BBOX1: variants seen among roughly 807,000 people sequenced by gnomAD.
BBOX1 encodes the protein gamma-butyrobetaine hydroxylase 1, also known as gamma-butyrobetaine dioxygenase.
Under a neutral mutation model 41.6 loss-of-function variants are expected in BBOX1, and 35 were observed. The ratio of observed to expected loss-of-function variants is 0.84; its 90% CI spans 0.64 to 1.11. The LOEUF (loss-of-function observed/expected upper bound fraction) is 1.11. Among genes scored for constraint, BBOX1 ranks in the 50% most tolerant of loss-of-function variants. BBOX1 has a pLI of 0.00. For synonymous variants in BBOX1, 163 were observed against 154.7 expected (o/e 1.05, Z -0.40); for missense variants, 458 against 460.6 (o/e 0.99, Z 0.05).
intron 5 of BBOX1, among the ~76,000 whole-genome samples, chr11:27,106,760 C>G (rs1373928150): frequency 6.0e-3 from 2 of 332 alleles, no homozygotes; most frequent in Admixed American, 0.077. Flanking sequence ...ACAGAACTCT[C>G]CACCCCCAAA....
At chr11:27,075,909 C>G (rs561908401) in intron 4 of BBOX1, among the ~76,000 whole-genome samples, 11 of 152,200 alleles carry the variant, frequency 7.2e-5, no homozygotes, top group Non-Finnish European at 1.5e-4. Context: ...TTTGTGAGCA[C>G]AAGGGCTGCC....
At chr11:27,070,584 C>G (rs952030326) in intron 4 of BBOX1, among the ~76,000 whole-genome samples, 7 of 152,048 alleles carry the variant, frequency 4.6e-5, no homozygotes, top group African/African-American at 1.4e-4. Context: ...ATAGCTACTT[C>G]TGCTCGCTTT....
At chr11:27,078,532 G>A (rs576860231) in intron 4 of BBOX1, among the ~76,000 whole-genome samples, 11 of 152,146 alleles carry the variant, frequency 7.2e-5, no homozygotes, top group Admixed American at 1.3e-4. Flanking sequence ...CCTTTGCAGG[G>A]ACATGGATGA....
chr11:27,060,886 C>A (rs1857114719), intron 4 of BBOX1, among the ~76,000 whole-genome samples: 1 of 152,154 alleles, frequency 6.6e-6, no homozygotes, highest in South Asian at 2.1e-4. Context: ...AGATGGGTAT[C>A]CAGGGAAAGA....
chr11:27,072,530 C>T (rs1038811156), intron 4 of BBOX1, among the ~76,000 whole-genome samples: 1 of 152,162 alleles, frequency 6.6e-6, no homozygotes, highest in Non-Finnish European at 1.5e-5. Context: ...CCATCCCCAT[C>T]AAGCTACCAA....
At chr11:27,081,526 G>C (rs1466142253) in intron 4 of BBOX1, among the ~76,000 whole-genome samples, 1 of 152,126 alleles carries the variant, frequency 6.6e-6, no homozygotes, top group Non-Finnish European at 1.5e-5. Context: ...ACGTGTGCAT[G>C]TGTCTTTATA....
intron 4 of BBOX1, among the ~76,000 whole-genome samples, chr11:27,060,510 G>C (rs11029816): frequency 0.19 from 29,513 of 152,066 alleles, 3,331 homozygotes; most frequent in South Asian, 0.39. Flanking sequence ...GTTGAGTTTT[G>C]TAACACCTCT....
intron 4 of BBOX1, among the ~76,000 whole-genome samples, chr11:27,077,967 T>A (rs1439600190): frequency 6.6e-6 from 1 of 152,090 alleles, no homozygotes; most frequent in Non-Finnish European, 1.5e-5. Context: ...CCCTTGCTCA[T>A]GTGTCTCATT....
intron 4 of BBOX1, among the ~76,000 whole-genome samples, chr11:27,066,932 A>T (rs1857305605): frequency 2.0e-5 from 3 of 152,132 alleles, no homozygotes. Flanking sequence ...ATCAATAAGA[A>T]AGTAGGGCAC....
At chr11:27,062,449 C>T (rs992842699) in intron 4 of BBOX1, among the ~76,000 whole-genome samples, 8 of 152,084 alleles carry the variant, frequency 5.3e-5, no homozygotes, top group African/African-American at 1.7e-4. Flanking sequence ...AAGATGATTG[C>T]TTTCATTTTT....
rs757055534 is a variant in BBOX1, at chr11:27,093,300, C to A, written c.467C>A (p.Ser156Tyr). ...KVGIVRLTGA[S>Y]DKPGEVSKLG... ...GGCATAGTAAGACTCACCGGAGCAT[C>A]TGACAAACCAGGAGAAGTTTCAAAA... is the stretch of plus-strand genomic sequence containing the variant. The change falls in exon 5 of 9, where the codon TCT (serine) becomes TAT (tyrosine). Residue 156 changes from serine (S) to tyrosine (Y), a missense_variant. Coordinates refer to ENST00000263182, the MANE Select transcript of BBOX1 (RefSeq NM_003986.3). 2 of 1,612,578 alleles carry A rather than the reference C, an allele frequency of 1.2e-6. No individual in the cohort carries two copies. Among genetic ancestry groups the A allele is most frequent in the South Asian group, 2.2e-5 (2 of 91,044 alleles).
chr11:27,075,327 A>C (rs1329303093), intron 4 of BBOX1, among the ~76,000 whole-genome samples: 1 of 152,052 alleles, frequency 6.6e-6, no homozygotes, highest in Admixed American at 6.6e-5. Flanking sequence ...ACTGTCTCTT[A>C]TGAGGTTGGA....
intron 5 of BBOX1, among the ~76,000 whole-genome samples, chr11:27,104,639 G>GT (rs1858794928): frequency 6.6e-6 from 1 of 152,102 alleles, no homozygotes. Context: ...TCTAGTTTGT[G>GT]TTTGGGGTAC....
rs182558113 is a variant in BBOX1, at chr11:27,060,988, C to T, written c.334+3673C>T. 7.2e-4 allele frequency among the ~76,000 whole-genome samples: 110 copies of T among 152,274 alleles called. 2 individuals are homozygous for T. Among genetic ancestry groups the T allele is most frequent in the Non-Finnish European group, 1.4e-3 (96 of 68,018 alleles). Reference sequence around the variant, plus strand: ...TTAGTACCGATTGTCTGGGTCACATCGCAGTGTCACAAATGTATTTTTTTA... The same window carrying T: ...TTAGTACCGATTGTCTGGGTCACATTGCAGTGTCACAAATGTATTTTTTTA... On this transcript the variant is annotated intron_variant, in intron 4 of 8. Transcript: ENST00000263182.
chr11:27,075,000 G>A (rs750098774), intron 4 of BBOX1, among the ~76,000 whole-genome samples: 1 of 152,226 alleles, frequency 6.6e-6, no homozygotes, highest in Non-Finnish European at 1.5e-5. Context: ...GGGGTCCGGA[G>A]GACGTGGCTA....
intron 5 of BBOX1, among the ~76,000 whole-genome samples, chr11:27,102,043 G>C (rs1404855610): frequency 2.2e-5 from 2 of 90,192 alleles, no homozygotes; most frequent in African/African-American, 5.7e-5. Flanking sequence ...CTGTTACTAA[G>C]AATGGACTTC....
intron 2 of BBOX1, among the ~76,000 whole-genome samples, chr11:27,052,202 C>T (rs1851693161): frequency 6.6e-6 from 1 of 151,988 alleles, no homozygotes; most frequent in South Asian, 2.1e-4. Context: ...AATAATAAAA[C>T]TTTTTGTGAG....
At chr11:27,114,506 T>G (rs1409521017) in intron 5 of BBOX1, among the ~76,000 whole-genome samples, 2 of 151,750 alleles carry the variant, frequency 1.3e-5, no homozygotes, top group African/African-American at 4.8e-5. Context: ...TAACTACGAA[T>G]CTACAGTAAT....
intron 5 of BBOX1, among the ~76,000 whole-genome samples, chr11:27,101,647 AG>A (rs1858661297): frequency 6.6e-6 from 1 of 151,988 alleles, no homozygotes; most frequent in Non-Finnish European, 1.5e-5. Flanking sequence ...TATTAATGGC[AG>A]TATTATTAAC....
Sources: gnomAD v4.1 joint callset for allele counts (sites outside exome capture counted in the v4.1 genomes callset) on GRCh38, gnomAD v4.1.1 for gene constraint, MANE v1.5 for transcripts, NCBI Gene and HGNC (gene_info 2026-07-23, HGNC 2026-07-21) for gene names.